DDX60: variants seen among roughly 807,000 people sequenced by gnomAD.
DDX60 encodes DExD/H-box helicase 60.
A neutral mutation model predicts 212.8 loss-of-function variants in DDX60; 165 were observed. That is an observed-to-expected ratio of 0.78 (90% CI 0.68 to 0.88). DDX60 has a LOEUF of 0.88. Ranked by LOEUF, DDX60 falls within the 40% of genes least tolerant of loss-of-function variation. The pLI is 0.00. For missense variants in DDX60, 1,905 were observed against 2,003.9 expected, an observed-to-expected ratio of 0.95 and a Z score of 0.94; for synonymous variants, 703 against 685.3, an observed-to-expected ratio of 1.03 and a Z score of -0.40.
chr4:168,242,456 G>T (rs866885058), intron 30 of DDX60, among the ~76,000 whole-genome samples: 1 of 152,220 alleles, frequency 6.6e-6, no homozygotes, highest in Non-Finnish European at 1.5e-5. Flanking sequence ...GCTGCCCAAG[G>T]CCATGGGAGC....
chr4:168,307,996 A>G lies in DDX60; in HGVS notation c.264+10T>C, dbSNP rs899547328. The G allele has an allele frequency of 1.9e-6, 3 of 1,550,142 alleles. No individual in the cohort carries two copies. The highest frequency in any genetic ancestry group is 1.4e-5 in the African/African-American group (1 of 70,926). On this transcript the variant is annotated intron_variant, in intron 4 of 37. Coordinates refer to ENST00000393743, the MANE Select transcript of DDX60 (RefSeq NM_017631.6). Reference sequence around the variant, plus strand: ...TCATATTATAAAAAAGAACTCAACTATCATGTTACCTTGAAGAAAACTATG... The same window carrying G: ...TCATATTATAAAAAAGAACTCAACTGTCATGTTACCTTGAAGAAAACTATG...
upstream of DDX60, among the ~76,000 whole-genome samples, chr4:168,323,308 C>T (rs1737640778): frequency 6.6e-6 from 1 of 152,170 alleles, no homozygotes; most frequent in African/African-American, 2.4e-5. Context: ...CCCATTATGA[C>T]CAATAAAAAC....
At chr4:168,221,943 A>T in intron 35 of DDX60, 62 bp from the exon 36 acceptor site, 1 of 1,512,126 alleles carries the variant, frequency 6.6e-7, no homozygotes, top group Non-Finnish European at 9.0e-7. Flanking sequence ...ATAATTTCTT[A>T]TGTGGTGCTT....
chr4:168,260,426 A>C (rs1734579175), intron 25 of DDX60, among the ~76,000 whole-genome samples: 1 of 152,166 alleles, frequency 6.6e-6, no homozygotes, highest in African/African-American at 2.4e-5. Context: ...TGAACACCGC[A>C]CTACGATAGG....
At chr4:168,269,464 G>C (rs2149517197) in intron 19 of DDX60, among the ~76,000 whole-genome samples, 1 of 152,250 alleles carries the variant, frequency 6.6e-6, no homozygotes, top group African/African-American at 2.4e-5. Flanking sequence ...AGCCGGGCGT[G>C]GTGGTGGGTG....
rs564541841 is a variant in DDX60, at chr4:168,304,607, G to A, written c.606+1772C>T. On this transcript the variant is annotated intron_variant, in intron 5 of 37. Transcript: ENST00000393743. Reference sequence around the variant, plus strand: ...TCCCAGCCACTCGACAGGCTGAGGCGGCAGGATCACTTGAGCCCGAGACGT... The same window carrying A: ...TCCCAGCCACTCGACAGGCTGAGGCAGCAGGATCACTTGAGCCCGAGACGT... Among the ~76,000 whole-genome samples the A allele has an allele frequency of 2.1e-4, 32 of 152,060 alleles. 1 individual carries two copies. In the South Asian group the frequency reaches 4.8e-3, roughly 23 times the overall value.
chr4:168,225,408 T>A, intron 34 of DDX60, 121 bp downstream of exon 34: 1 of 1,042,392 alleles, frequency 9.6e-7, no homozygotes, highest in Non-Finnish European at 1.3e-6. Context: ...GGAAAAGGAA[T>A]CTCCTCACTT....
chr4:168,276,062 T>C lies in DDX60; in HGVS notation c.2098A>G (p.Lys700Glu). 4 of 1,613,602 alleles carry C rather than the reference T, an allele frequency of 2.5e-6. No homozygotes were observed. The highest frequency in any genetic ancestry group is 2.2e-5 in the South Asian group (2 of 91,022). The change falls in exon 15 of 38, where the codon AAG becomes GAG. Residue 700 changes from lysine to glutamate, a missense_variant. By Grantham distance (56) the Lys-to-Glu change is moderately conservative. Transcript: ENST00000393743. ...DDRQLIARCL[K>E]YLGFDELASS... is the part of the protein sequence containing the mutation. ...GCCAACTCATCAAATCCTAAATACT[T>C]AAGGCATCTGGCTATGAGTTGCCGA...
chr4:168,271,044 A>AT, intron 19 of DDX60, among the ~76,000 whole-genome samples: 1 of 151,666 alleles, frequency 6.6e-6, no homozygotes, highest in Admixed American at 6.6e-5. Flanking sequence ...CACCCAGCTA[A>AT]TTTTTGTATT....
At chr4:168,317,413 G>A (rs989925634) in intron 1 of DDX60, among the ~76,000 whole-genome samples, 5 of 151,890 alleles carry the variant, frequency 3.3e-5, no homozygotes, top group African/African-American at 1.2e-4. Context: ...GGGAGGAAGA[G>A]AAATGGAAAA....
At chr4:168,255,436 G>A (rs1734364979) in intron 26 of DDX60, among the ~76,000 whole-genome samples, 1 of 152,110 alleles carries the variant, frequency 6.6e-6, no homozygotes, top group Non-Finnish European at 1.5e-5. Context: ...TGTGTAGGAT[G>A]ATTATGTCAG....
intron 1 of DDX60, among the ~76,000 whole-genome samples, chr4:168,316,677 T>C (rs1737395319): frequency 6.6e-6 from 1 of 152,034 alleles, no homozygotes; most frequent in Non-Finnish European, 1.5e-5. Context: ...AATTAGAATA[T>C]CACCATTTTA....
chr4:168,274,226 A>T (rs893693340), intron 16 of DDX60, 143 bp from the exon 17 acceptor site: 1 of 996,430 alleles, frequency 1.0e-6, no homozygotes, highest in Non-Finnish European at 1.4e-6. Flanking sequence ...TCATTCTCTC[A>T]GAAGAGATCA....
chr4:168,257,635 T>C (rs751077960), intron 25 of DDX60, among the ~76,000 whole-genome samples: 2 of 152,174 alleles, frequency 1.3e-5, no homozygotes, highest in Admixed American at 6.5e-5. Context: ...ACTTCATTTT[T>C]AAAAAACTCT....
chr4:168,246,856 T>C (rs1324986199), intron 29 of DDX60, among the ~76,000 whole-genome samples: 3 of 152,204 alleles, frequency 2.0e-5, no homozygotes, highest in Non-Finnish European at 2.9e-5. Flanking sequence ...TTAATTGCAG[T>C]AGGCATTTGT....
chr4:168,241,800 AT>A lies in DDX60; in HGVS notation c.4165-4006del, dbSNP rs1278942424. Among the ~76,000 whole-genome samples the A allele has an allele frequency of 7.2e-5, 11 of 152,300 alleles. No individual in the cohort carries two copies. In the East Asian group the frequency reaches 1.9e-3, roughly 27 times the overall value. On this transcript the variant is annotated intron_variant, in intron 30 of 37. Coordinates refer to ENST00000393743, the MANE Select transcript of DDX60 (RefSeq NM_017631.6). ...GGAGAAATTCAAGCTGGCTGCATAAATTTGCATAGGTAATAGGGAGCCAAAC... is the reference window on the plus strand; with the variant it reads ...GGAGAAATTCAAGCTGGCTGCATAAATTGCATAGGTAATAGGGAGCCAAAC...
At chr4:168,291,130 C>T (rs1247413682) in intron 8 of DDX60, among the ~76,000 whole-genome samples, 14 of 151,562 alleles carry the variant, frequency 9.2e-5, no homozygotes, top group Admixed American at 9.2e-4. Flanking sequence ...AACCATGGTA[C>T]TAAAAGATAA....
chr4:168,274,496 G>A (rs1560847395), intron 16 of DDX60, among the ~76,000 whole-genome samples: 2 of 152,284 alleles, frequency 1.3e-5, no homozygotes, highest in Non-Finnish European at 2.9e-5. Flanking sequence ...GCCAGGATGA[G>A]AGAGCTCCAT....
intron 14 of DDX60, 65 bp from the exon 15 acceptor site, chr4:168,276,246 A>G: frequency 7.5e-7 from 1 of 1,333,544 alleles, no homozygotes; most frequent in Non-Finnish European, 1.0e-6. Flanking sequence ...TTGATTACCC[A>G]AGATTAATCA....
Sources: allele counts gnomAD v4.1 joint callset (sites outside exome capture counted in the v4.1 genomes callset), GRCh38; gene constraint gnomAD v4.1.1; transcripts MANE v1.5; gene names NCBI Gene and HGNC (gene_info 2026-07-23, HGNC 2026-07-21).